Variants in CWC27 observed in about 807,000 individuals in gnomAD.
CWC27 encodes the protein spliceosome-associated protein CWC27 homolog.
CWC27 carries 47 observed loss-of-function variants against 63.6 expected under a neutral mutation model. The ratio of observed to expected loss-of-function variants is 0.74; its 90% CI spans 0.58 to 0.94. CWC27 has a LOEUF of 0.94. Ranked by LOEUF, CWC27 falls within the 40% of genes least tolerant of loss-of-function variation. The pLI is 0.00. For synonymous variants in CWC27, 175 were observed against 179.8 expected (o/e 0.97, Z 0.22); for missense variants, 495 against 554.3 (o/e 0.89, Z 1.07).
At chr5:65,007,636 T>C (rs2112471605) in intron 13 of CWC27, among the ~76,000 whole-genome samples, 1 of 150,100 alleles carries the variant, frequency 6.7e-6, no homozygotes, top group African/African-American at 2.5e-5. Flanking sequence ...CTTTTTTTTT[T>C]TTTTTTTTTG....
intron 11 of CWC27, among the ~76,000 whole-genome samples, chr5:64,960,657 T>C (rs1438676691): frequency 6.6e-6 from 1 of 152,242 alleles, no homozygotes; most frequent in Admixed American, 6.5e-5. Context: ...TGATGTTTAC[T>C]GTTATTACCA....
chr5:64,804,143 T>C, intron 9 of CWC27, 86 bp from the exon 10 acceptor site: 1 of 1,190,646 alleles, frequency 8.4e-7, no homozygotes. Flanking sequence ...TAGAATGCAA[T>C]AAGGAGATTC....
At chr5:64,940,358 C>G (rs1202565250) in intron 11 of CWC27, among the ~76,000 whole-genome samples, 1 of 152,160 alleles carries the variant, frequency 6.6e-6, no homozygotes, top group Non-Finnish European at 1.5e-5. Flanking sequence ...CTTCCCTTGG[C>G]TGGGGGAGGG....
chr5:64,894,079 G>A (rs1005346115), intron 11 of CWC27, among the ~76,000 whole-genome samples: 5 of 151,882 alleles, frequency 3.3e-5, no homozygotes, highest in Admixed American at 2.6e-4. Context: ...ACAGGAGCCC[G>A]CCACCATACC....
At chr5:64,922,459 G>A (rs1435559282) in intron 11 of CWC27, among the ~76,000 whole-genome samples, 3 of 152,140 alleles carry the variant, frequency 2.0e-5, no homozygotes, top group Non-Finnish European at 2.9e-5. Flanking sequence ...TTCCTGTAGT[G>A]AATTTTTCAT....
chr5:64,955,965 AACT>A (rs1398600759), intron 11 of CWC27, among the ~76,000 whole-genome samples: 4 of 152,188 alleles, frequency 2.6e-5, no homozygotes, highest in Middle Eastern at 3.4e-3. Context: ...GCAGTCACTA[AACT>A]ACTAAGGAAT....
intron 10 of CWC27, among the ~76,000 whole-genome samples, chr5:64,844,610 A>G (rs1181675607): frequency 1.3e-5 from 2 of 152,104 alleles, no homozygotes; most frequent in African/African-American, 2.4e-5. Context: ...CTGCTTTACA[A>G]CCCCACCCAG....
Position 64,810,492 on chromosome 5 carries a change from G to A in CWC27, c.938+6106G>A, listed in dbSNP as rs77325370. On this transcript the variant is annotated intron_variant, in intron 10 of 13. Transcript: ENST00000381070. ...TCTGTAGATCACTCTGGGTAGTATG[G>A]ACATTTTAATATTAATTCTTGCAAT... Among the ~76,000 whole-genome samples, 761 of 152,124 alleles carry A rather than the reference G, an allele frequency of 5.0e-3. 9 individuals carry two copies. The highest frequency in any genetic ancestry group is 0.018 in the African/African-American group (734 of 41,520).
chr5:64,778,907 C>G (rs1163682553), intron 2 of CWC27, among the ~76,000 whole-genome samples: 1 of 152,140 alleles, frequency 6.6e-6, no homozygotes, highest in Non-Finnish European at 1.5e-5. Context: ...CTTTCTACTT[C>G]TTATGTACTG....
chr5:64,857,575 A>G (rs1201347659), intron 10 of CWC27, among the ~76,000 whole-genome samples: 1 of 152,206 alleles, frequency 6.6e-6, no homozygotes, highest in Non-Finnish European at 1.5e-5. Flanking sequence ...ATTAAACTAC[A>G]AGAGGCCAGG....
intron 10 of CWC27, among the ~76,000 whole-genome samples, chr5:64,839,788 A>G (rs527546470): frequency 2.6e-5 from 4 of 152,284 alleles, no homozygotes; most frequent in South Asian, 2.1e-4. Context: ...TGTGGCACTT[A>G]TCTAAGGGGG....
At chr5:64,945,463 G>T (rs1392843507) in intron 11 of CWC27, among the ~76,000 whole-genome samples, 2 of 152,116 alleles carry the variant, frequency 1.3e-5, no homozygotes, top group Non-Finnish European at 2.9e-5. Context: ...GCATTAAGTT[G>T]CCTAAACCAC....
Position 64,776,729 on chromosome 5 carries a change from G to A in CWC27, c.139+1942G>A, listed in dbSNP as rs1743470095. On this transcript the variant is annotated intron_variant, in intron 2 of 13. Transcript: ENST00000381070. ...TTTAGTTCTTTGCTTCTATGATTTA[G>A]ACGAGTCATAATGTTTCTAGATCTT... 2.6e-5 allele frequency among the ~76,000 whole-genome samples: 4 copies of A among 152,178 alleles called. No individual in the cohort carries two copies. The South Asian group carries it at 8.3e-4, about 32-fold the overall frequency.
At chr5:64,877,380 A>G (rs1746819078) in intron 10 of CWC27, among the ~76,000 whole-genome samples, 1 of 151,988 alleles carries the variant, frequency 6.6e-6, no homozygotes, top group South Asian at 2.1e-4. Flanking sequence ...TGGAGGTAGA[A>G]TGCAGAATGA....
intron 13 of CWC27, among the ~76,000 whole-genome samples, chr5:64,989,728 T>G (rs1477934007): frequency 6.6e-6 from 1 of 152,194 alleles, no homozygotes; most frequent in African/African-American, 2.4e-5. Context: ...AGACTCAGGA[T>G]GGCAGAGATT....
intron 11 of CWC27, among the ~76,000 whole-genome samples, chr5:64,966,375 ACAGT>A (rs1280712478): frequency 1.3e-5 from 2 of 152,140 alleles, no homozygotes; most frequent in Non-Finnish European, 2.9e-5. Flanking sequence ...ACATAATTGT[ACAGT>A]CAGTGTGAGT....
chr5:64,875,613 G>A (rs1024529898), intron 10 of CWC27, among the ~76,000 whole-genome samples: 4 of 152,074 alleles, frequency 2.6e-5, no homozygotes, highest in African/African-American at 9.7e-5. Context: ...CCAGAGTTAG[G>A]ATATGGGAAT....
At chr5:64,897,876 A>C (rs990645826) in intron 11 of CWC27, among the ~76,000 whole-genome samples, 3 of 152,214 alleles carry the variant, frequency 2.0e-5, no homozygotes, top group Admixed American at 6.5e-5. Flanking sequence ...AGACCTAATA[A>C]CATAAACTCA....
intron 10 of CWC27, among the ~76,000 whole-genome samples, chr5:64,842,925 C>G (rs1745883408): frequency 6.6e-6 from 1 of 152,130 alleles, no homozygotes; most frequent in Admixed American, 6.5e-5. Flanking sequence ...AATTGTTTCT[C>G]AAGATTCTTT....
Sources: gnomAD v4.1 joint callset for allele counts (sites outside exome capture counted in the v4.1 genomes callset) on GRCh38, gnomAD v4.1.1 for gene constraint, MANE v1.5 for transcripts, NCBI Gene and HGNC (gene_info 2026-07-23, HGNC 2026-07-21) for gene names.